CELF2: variants seen among roughly 807,000 people sequenced by gnomAD.
CELF2 encodes the protein CUG triplet repeat RNA-binding protein 2.
Under a neutral mutation model 62.6 loss-of-function variants are expected in CELF2, and 8 were observed. The ratio of observed to expected loss-of-function variants is 0.13; its 90% confidence interval spans 0.07 to 0.23. The LOEUF (loss-of-function observed/expected upper bound fraction) is 0.23, where lower values mean the gene tolerates loss of function less well. CELF2 is among the 10% of genes least tolerant of loss of function. CELF2 has a pLI of 1.00. For synonymous variants in CELF2, 258 were observed against 250.0 expected, an observed-to-expected ratio of 1.03 and a Z score of -0.30; for missense variants, 333 against 671.0, an observed-to-expected ratio of 0.50 and a Z score of 5.56.
the CELF2 span, among the ~76,000 whole-genome samples, chr10:10,755,488 G>A: frequency 3.3e-5 from 5 of 152,098 alleles, no homozygotes; most frequent in African/African-American, 7.2e-5. Flanking sequence ...CTACATTTTC[G>A]CGCGCAGTCT....
At chr10:10,598,116 A>G in the CELF2 span, among the ~76,000 whole-genome samples, 6 of 152,166 alleles carry the variant, frequency 3.9e-5, no homozygotes, top group African/African-American at 1.4e-4. Flanking sequence ...TGGTGTCCAG[A>G]GAGAGTTGGG....
chr10:10,525,584 C>A, the CELF2 span, among the ~76,000 whole-genome samples: 51 of 152,304 alleles, frequency 3.3e-4, no homozygotes, highest in Non-Finnish European at 1.3e-4. Context: ...TAAGTGAGAC[C>A]ATGCAAAATT....
intron 1 of CELF2, among the ~76,000 whole-genome samples, chr10:10,809,532 GCAGAACCTAATAATCTT>G (rs1176023015): frequency 3.3e-5 from 5 of 152,074 alleles, no homozygotes; most frequent in Non-Finnish European, 5.9e-5. Flanking sequence ...CTTTTCCTTA[GCAGAACCTAATAATCTT>G]CAGACACTCT....
chr10:10,571,091 CT>C, the CELF2 span, among the ~76,000 whole-genome samples: 1 of 152,018 alleles, frequency 6.6e-6, no homozygotes, highest in East Asian at 1.9e-4. Flanking sequence ...AACCGTCGGC[CT>C]TTTCATCAGC....
chr10:11,155,929 C>T (rs1186133803), intron 1 of CELF2, among the ~76,000 whole-genome samples: 1 of 152,276 alleles, frequency 6.6e-6, no homozygotes, highest in African/African-American at 2.4e-5. Context: ...TGAGGAGAGA[C>T]CAGCCTGAGA....
chr10:10,758,563 C>T, the CELF2 span, among the ~76,000 whole-genome samples: 152 of 148,680 alleles, frequency 1.0e-3, no homozygotes, highest in African/African-American at 3.6e-3. Context: ...AGAGCCTACG[C>T]TGTCCCAGTG....
chr10:10,509,245 T>A, the CELF2 span, among the ~76,000 whole-genome samples: 1 of 152,222 alleles, frequency 6.6e-6, no homozygotes, highest in Non-Finnish European at 1.5e-5. Flanking sequence ...TTGAGTAAAC[T>A]GTCCTAGCTC....
At position 10,990,839 on chromosome 10, in the gene CELF2, A is replaced by G. The variant is rs2053345987; in HGVS notation, c.89+70840A>G. ...CATGGTTTGGGTATCATTTGGGGTA[A>G]CCTGTGTTCTCAGTGGCTTTCCATA... is the stretch of plus-strand genomic sequence containing the variant. On this transcript the variant is annotated intron_variant, in intron 2 of 13. Transcript: ENST00000636488. The surrounding 1 kb of genome is among the most constrained non-coding windows in gnomAD (Gnocchi z 4.6). 6.6e-6 allele frequency among the ~76,000 whole-genome samples: 1 copy of G among 152,138 alleles called. No individual in the cohort carries two copies. Among genetic ancestry groups the G allele is most frequent in the African/African-American group, 2.4e-5 (1 of 41,438 alleles).
intron 11 of CELF2, among the ~76,000 whole-genome samples, chr10:11,325,291 T>C (rs184016316): frequency 2.4e-4 from 37 of 152,358 alleles, no homozygotes; most frequent in African/African-American, 8.9e-4. Flanking sequence ...TGCCAGTCAT[T>C]TCTAATAAAG....
At chr10:10,528,670 C>T in the CELF2 span, among the ~76,000 whole-genome samples, 8 of 152,246 alleles carry the variant, frequency 5.3e-5, no homozygotes, top group Middle Eastern at 3.4e-3. Context: ...GACCGCTCAT[C>T]CTGCAGAAGT....
the CELF2 span, among the ~76,000 whole-genome samples, chr10:10,564,682 GCACACA>G: frequency 7.2e-3 from 944 of 130,754 alleles, 10 homozygotes; most frequent in African/African-American, 0.024. Context: ...ACGCACACAC[GCACACA>G]CACACACACA....
At position 11,238,191 on chromosome 10, in the gene CELF2, C is replaced by T. The variant is rs142439661; in HGVS notation, c.355-10962C>T. 4.6e-5 allele frequency among the ~76,000 whole-genome samples: 7 copies of T among 152,310 alleles called. No individual in the cohort carries two copies. In the East Asian group the frequency reaches 1.4e-3, roughly 29 times the overall value. ...TGAGAGGATGTCAGTATACTTCCCA[C>T]TTAGTGATAAGGGAAGATTATTACC... On this transcript the variant is annotated intron_variant, in intron 3 of 12. Transcript: ENST00000633077.
intron 2 of CELF2, among the ~76,000 whole-genome samples, chr10:11,187,810 A>G (rs77650146): frequency 0.03 from 4,583 of 152,214 alleles, 222 homozygotes; most frequent in African/African-American, 0.1. Flanking sequence ...TTGCTTTTAC[A>G]TGTTAAAATA....
the CELF2 span, among the ~76,000 whole-genome samples, chr10:10,777,114 T>G: frequency 6.6e-6 from 1 of 152,216 alleles, no homozygotes; most frequent in Non-Finnish European, 1.5e-5. Flanking sequence ...CTGTGGTCAG[T>G]GTCTCTCAGC....
At chr10:11,124,608 G>T (rs572800639) in intron 1 of CELF2, among the ~76,000 whole-genome samples, 1 of 152,128 alleles carries the variant, frequency 6.6e-6, no homozygotes, top group Non-Finnish European at 1.5e-5. Context: ...AGTTCAGTAA[G>T]GCATTATCAG....
At chr10:10,690,329 G>C in the CELF2 span, among the ~76,000 whole-genome samples, 1 of 152,174 alleles carries the variant, frequency 6.6e-6, no homozygotes, top group Admixed American at 6.5e-5. Context: ...GAGTTTGCTT[G>C]AGCAAATCAA....
At chr10:11,274,939 C>T (rs936420978) in intron 7 of CELF2, 118 bp from the exon 8 acceptor site, 3 of 870,264 alleles carry the variant, frequency 3.4e-6, no homozygotes, top group African/African-American at 1.6e-5. Context: ...TTCAGTCCAT[C>T]AGTAGGGAGT....
chr10:10,810,794 G>A (rs1248804714), intron 1 of CELF2, among the ~76,000 whole-genome samples: 1 of 152,212 alleles, frequency 6.6e-6, no homozygotes, highest in Non-Finnish European at 1.5e-5. Flanking sequence ...GGTAGAGTGA[G>A]TGCCATCGTG....
At chr10:10,732,935 G>A in the CELF2 span, among the ~76,000 whole-genome samples, 1 of 152,116 alleles carries the variant, frequency 6.6e-6, no homozygotes, top group African/African-American at 2.4e-5. Flanking sequence ...AAACTCCCCA[G>A]GAAGAAAAAG....
Sources: gnomAD v4.1 joint callset for allele counts (sites outside exome capture counted in the v4.1 genomes callset) on GRCh38, gnomAD v4.1.1 for gene constraint, Gnocchi (gnomAD v3.1) non-coding constraint, MANE v1.5 for transcripts, NCBI Gene and HGNC (gene_info 2026-07-23, HGNC 2026-07-21) for gene names.